The following ADCYAP1R1 variants were observed in gnomAD, a reference collection of about 807,000 sequenced individuals.
ADCYAP1R1 encodes ADCYAP receptor type I, also known as pituitary adenylate cyclase-activating polypeptide type I receptor.
ADCYAP1R1 carries 44 observed loss-of-function variants against 67.6 expected under a neutral mutation model. The ratio of observed to expected loss-of-function variants is 0.65; its 90% CI spans 0.51 to 0.84. The LOEUF is 0.84. Ranked by LOEUF, ADCYAP1R1 falls within the 40% of genes least tolerant of loss-of-function variation. The pLI is 0.00. For synonymous variants in ADCYAP1R1, 222 were observed against 219.6 expected (o/e 1.01, Z -0.10); for missense variants, 477 against 587.9 (o/e 0.81, Z 1.95).
intron 3 of ADCYAP1R1, among the ~76,000 whole-genome samples, chr7:31,077,567 A>G (rs1795311989): frequency 7.9e-6 from 1 of 126,086 alleles, no homozygotes; most frequent in Non-Finnish European, 1.6e-5. Flanking sequence ...TGCATGTGTG[A>G]TGTGTGTGTG....
intron 2 of ADCYAP1R1, 103 bp from the exon 3 acceptor site, chr7:31,064,728 T>G: frequency 1.1e-6 from 1 of 891,600 alleles, no homozygotes; most frequent in Non-Finnish European, 1.8e-6. Context: ...TCTCTGCTTC[T>G]GCTCCCCACT....
chr7:31,075,612 C>T (rs935161503), intron 3 of ADCYAP1R1, among the ~76,000 whole-genome samples: 4 of 152,132 alleles, frequency 2.6e-5, no homozygotes, highest in Non-Finnish European at 5.9e-5. Context: ...GCTGTCTCGT[C>T]CCATGGCCTC....
rs1795762584 is a variant in ADCYAP1R1, at chr7:31,086,792, T to C, written c.824-151T>C. Reference sequence around the variant, plus strand: ...CTTGGTCTGAGGGAGATATAGACCCTCAGGAGGCCTGGGTGTGAGGGACAG... The same window carrying C: ...CTTGGTCTGAGGGAGATATAGACCCCCAGGAGGCCTGGGTGTGAGGGACAG... On this transcript the variant is annotated intron_variant, in intron 10 of 15. Transcript: ENST00000304166. The surrounding 1 kb of genome is among the most constrained non-coding windows in gnomAD (Gnocchi z 5.0). 2 of 941,190 alleles carry C rather than the reference T, an allele frequency of 2.1e-6. No individual in the cohort carries two copies. The highest frequency in any genetic ancestry group is 3.4e-6 in the Non-Finnish European group (2 of 591,028). The allele number at this position is 941,190 out of a possible 1,614,324, so 58.3% of individuals were successfully genotyped here. A position where few individuals can be genotyped will look rare whatever the true frequency, so the allele number is the denominator to read the frequency against.
intron 13 of ADCYAP1R1, among the ~76,000 whole-genome samples, chr7:31,098,707 G>GC (rs1554305640): frequency 2.2e-5 from 1 of 44,770 alleles, no homozygotes; most frequent in African/African-American, 1.7e-4. Context: ...GCGGGGCGGG[G>GC]GGGGGGGGGG....
At chr7:31,078,759 G>A (rs1795390639) in intron 4 of ADCYAP1R1, among the ~76,000 whole-genome samples, 1 of 152,186 alleles carries the variant, frequency 6.6e-6, no homozygotes. Flanking sequence ...ACGGGCTCAA[G>A]ATGGGAGGAG....
At chr7:31,104,974 A>T in intron 15 of ADCYAP1R1, 65 bp downstream of exon 15, 3 of 1,532,642 alleles carry the variant, frequency 2.0e-6, no homozygotes, top group Non-Finnish European at 2.7e-6. Flanking sequence ...CAGACAGGGG[A>T]ACCACCTGTT....
chr7:31,083,977 C>T (rs182646291), intron 6 of ADCYAP1R1, among the ~76,000 whole-genome samples, 164 bp from the exon 7 acceptor site: 34 of 152,362 alleles, frequency 2.2e-4, no homozygotes, highest in Non-Finnish European at 3.8e-4. Context: ...TTTGTCTCTC[C>T]ATCCCTCTGA....
chr7:31,071,227 C>T (rs536954845), intron 3 of ADCYAP1R1, among the ~76,000 whole-genome samples: 1 of 152,180 alleles, frequency 6.6e-6, no homozygotes, highest in Non-Finnish European at 1.5e-5. Context: ...CAGACAAAAG[C>T]TAATAGCTTA....
chr7:31,087,298 G>T lies in ADCYAP1R1; in HGVS notation c.884+295G>T, dbSNP rs543263526. The stretch of plus-strand genomic sequence containing the variant: ...TTAGGGAGGGGATGAAGCATGTTGA[G>T]GGGGAGGTCACATCCTAAGAGCTGT... On this transcript the variant is annotated intron_variant, in intron 11 of 15. Transcript: ENST00000304166. Among the ~76,000 whole-genome samples the T allele has an allele frequency of 2.0e-5, 3 of 152,340 alleles. No individual in the cohort carries two copies. In the East Asian group the frequency reaches 5.8e-4, roughly 29 times the overall value.
At chr7:31,060,198 CGAG>C (rs1794439267) in intron 1 of ADCYAP1R1, among the ~76,000 whole-genome samples, 1 of 152,130 alleles carries the variant, frequency 6.6e-6, no homozygotes, top group Non-Finnish European at 1.5e-5. Context: ...ACAGCAGGGG[CGAG>C]GCCCCTGCAA....
At position 31,052,567 on chromosome 7, in the gene ADCYAP1R1, C is replaced by T. The variant is rs1190250599; in HGVS notation, c.-183C>T. On this transcript the variant is annotated 5_prime_UTR_variant, in exon 1 of 16. Transcript: ENST00000304166. ...GCGCGGAGACCCGGCTCGGCGCGCG[C>T]TCCTCGGCGCACACGCTCCCCATCC... 2 of 151,308 alleles carry T rather than the reference C, an allele frequency of 1.3e-5. No homozygotes were observed. Among genetic ancestry groups the T allele is most frequent in the African/African-American group, 4.8e-5 (2 of 41,288 alleles). 9.4% of individuals were successfully genotyped at this position (151,308 alleles called of 1,614,324 possible).
intron 1 of ADCYAP1R1, among the ~76,000 whole-genome samples, chr7:31,062,369 G>C (rs541342453): frequency 2.0e-5 from 3 of 152,170 alleles, no homozygotes; most frequent in Non-Finnish European, 4.4e-5. Context: ...ACCTGTCACC[G>C]TGTTTTCCGT....
At chr7:31,076,636 C>A (rs539896333) in intron 3 of ADCYAP1R1, among the ~76,000 whole-genome samples, 20 of 152,322 alleles carry the variant, frequency 1.3e-4, no homozygotes, top group African/African-American at 4.6e-4. Context: ...TCTTCTGGTT[C>A]CGGGTCCTTT....
intron 4 of ADCYAP1R1, among the ~76,000 whole-genome samples, chr7:31,080,290 T>TG (rs1205103001): frequency 2.6e-5 from 4 of 152,194 alleles, no homozygotes; most frequent in Non-Finnish European, 1.5e-5. Context: ...AAGGAGAGAA[T>TG]GGGATTCCTG....
Position 31,086,984 on chromosome 7 carries a change from C to T in ADCYAP1R1, c.865C>T (p.Leu289Phe). ...VCVTVWATLR[L>F]YFDDTGCWDM... ...TGTGACAGTGTGGGCTACGCTGAGA[C>T]TCTACTTTGATGACACAGGGTTAGT... is the stretch of plus-strand genomic sequence containing the variant. The change falls in exon 11 of 16, where the codon CTC (leucine) becomes TTC (phenylalanine). Residue 289 changes from leucine to phenylalanine, a missense_variant. By Grantham distance (22) the Leu-to-Phe change is conservative. Transcript: ENST00000304166. This position sits in a 1 kb window ranked among gnomAD's most constrained non-coding sequence, Gnocchi z 5.0. The T allele has an allele frequency of 1.9e-6, 3 of 1,614,218 alleles. No individual in the cohort carries two copies. The highest frequency in any genetic ancestry group is 1.3e-5 in the African/African-American group (1 of 75,066).
At chr7:31,062,787 T>A (rs549022382) in intron 1 of ADCYAP1R1, among the ~76,000 whole-genome samples, 1 of 152,350 alleles carries the variant, frequency 6.6e-6, no homozygotes, top group South Asian at 2.1e-4. Flanking sequence ...AACTTCATCA[T>A]GTGCCCACAC....
rs1795482422 is a variant in ADCYAP1R1, at chr7:31,080,727, T to C, written c.286+94T>C. 21 of 1,357,256 alleles carry C rather than the reference T, an allele frequency of 1.5e-5. 1 individual carries two copies. In the South Asian group the frequency reaches 2.4e-4, roughly 16 times the overall value. The allele number at this position is 1,357,256 out of a possible 1,614,324, so 84.1% of individuals were successfully genotyped here. The stretch of plus-strand genomic sequence containing the variant: ...GATCCCAGGCTCCGGCTGCTGGGAT[T>C]GGGGTGGGGGTGGAGTAAGAGGCTC... On this transcript the variant is annotated intron_variant, in intron 5 of 15. Transcript: ENST00000304166.
chr7:31,092,940 C>G (rs1796026763), intron 13 of ADCYAP1R1, among the ~76,000 whole-genome samples: 1 of 151,850 alleles, frequency 6.6e-6, no homozygotes, highest in Admixed American at 6.6e-5. Context: ...GCATGGCCAT[C>G]ATATGGATGG....
At chr7:31,057,875 C>T (rs1256296395) in intron 1 of ADCYAP1R1, among the ~76,000 whole-genome samples, 1 of 152,216 alleles carries the variant, frequency 6.6e-6, no homozygotes, top group Non-Finnish European at 1.5e-5. Flanking sequence ...TGGCCATCTC[C>T]TTTCTGGTAT....
Sources: allele counts gnomAD v4.1 joint callset (sites outside exome capture counted in the v4.1 genomes callset), GRCh38; gene constraint gnomAD v4.1.1; non-coding constraint Gnocchi (gnomAD v3.1); transcripts MANE v1.5; gene names NCBI Gene and HGNC (gene_info 2026-07-23, HGNC 2026-07-21).